The following CUL5 variants were observed in gnomAD, a reference collection of about 807,000 sequenced individuals.
CUL5 encodes the protein cullin 5, also known as cullin-5.
A neutral mutation model predicts 108.8 loss-of-function variants in CUL5; 26 were observed. The observed-to-expected ratio is 0.24, with a 90% CI of 0.18 to 0.33. The LOEUF (loss-of-function observed/expected upper bound fraction) is 0.33, where lower values mean the gene tolerates loss of function less well. Among genes scored for constraint, CUL5 ranks in the 10% least tolerant of loss-of-function variants. The probability of loss-of-function intolerance (pLI) is 1.00; values close to 1 mark genes in which losing one functional copy is unlikely to be tolerated. For missense variants in CUL5, 524 were observed against 909.2 expected (o/e 0.58, Z 5.45); for synonymous variants, 334 against 298.0 (o/e 1.12, Z -1.25).
chr11:108,018,296 G>A (rs1374400936), intron 1 of CUL5, among the ~76,000 whole-genome samples: 4 of 152,116 alleles, frequency 2.6e-5, no homozygotes, highest in African/African-American at 9.7e-5. Context: ...AAGAATTACT[G>A]GTATTCAAAT....
rs534407204 is a variant in CUL5 at position 108,039,043 on chromosome 11, A to G, written c.134+5132A>G. Among the ~76,000 whole-genome samples the G allele has an allele frequency of 2.0e-5, 3 of 150,496 alleles. No homozygotes were observed. In the East Asian group the frequency reaches 5.9e-4, roughly 30 times the overall value. ...TTTTTTTTTCTTTTTAAATTGAGATAGAGTTTCATTCTTGTTGCCCAGGCT... is the reference window on the plus strand; with the variant it reads ...TTTTTTTTTCTTTTTAAATTGAGATGGAGTTTCATTCTTGTTGCCCAGGCT... On this transcript the variant is annotated intron_variant, in intron 2 of 18. Transcript: ENST00000393094.
chr11:108,023,100 G>A (rs986441117), intron 1 of CUL5, among the ~76,000 whole-genome samples: 5 of 152,084 alleles, frequency 3.3e-5, no homozygotes, highest in African/African-American at 9.7e-5. Flanking sequence ...AAAAATAGCC[G>A]GGCATGGTGG....
At chr11:108,094,358 A>G in intron 13 of CUL5, 33 bp from the exon 14 acceptor site, 1 of 1,506,942 alleles carries the variant, frequency 6.6e-7, no homozygotes, top group Middle Eastern at 2.1e-4. Context: ...TTATGTATTT[A>G]TTACCTCTTC....
At chr11:108,037,322 A>G (rs1264333946) in intron 2 of CUL5, among the ~76,000 whole-genome samples, 1 of 152,108 alleles carries the variant, frequency 6.6e-6, no homozygotes, top group African/African-American at 2.4e-5. Context: ...TTTTATAGCC[A>G]CCCAAGCAGC....
At chr11:108,065,984 T>G (rs1863667059) in intron 7 of CUL5, among the ~76,000 whole-genome samples, 1 of 152,220 alleles carries the variant, frequency 6.6e-6, no homozygotes, top group African/African-American at 2.4e-5. Context: ...GTATTTATTC[T>G]TTTGTGAATT....
rs929087530 is a variant in CUL5, at chr11:108,070,026, T to C, written c.781-70T>C. On this transcript the variant is annotated intron_variant, in intron 7 of 18. Coordinates refer to ENST00000393094, the MANE Select transcript of CUL5 (RefSeq NM_003478.6). ...TTTTTTGTTGAACAATATTGTTTTA[T>C]TTTGTGAGTTAGAATAGATTTGTGC... 15 of 951,870 alleles carry C rather than the reference T, an allele frequency of 1.6e-5. No individual in the cohort carries two copies. The African/African-American group carries it at 2.1e-4, about 13-fold the overall frequency. The allele number at this position is 951,870 out of a possible 1,614,324, so 59.0% of individuals were successfully genotyped here. A position where few individuals can be genotyped will look rare whatever the true frequency, so the allele number is the denominator to read the frequency against.
rs143283390 is a variant in CUL5, at chr11:108,089,752, CAGTT to C, written c.1443+132_1443+135del. 7.0e-3 allele frequency: 3,834 copies of C among 544,870 alleles called. 122 individuals carry two copies. The highest frequency in any genetic ancestry group is 0.068 in the African/African-American group (3,384 of 50,074). The allele number at this position is 544,870 out of a possible 1,614,324, so 33.8% of individuals were successfully genotyped here. ...GAAACATTTTATAAGAATATAGCGT[CAGTT>C]AGGCCGGGCGCACTGGCTCATACCT... On this transcript the variant is annotated intron_variant, in intron 13 of 18. Transcript: ENST00000393094.
intron 1 of CUL5, among the ~76,000 whole-genome samples, chr11:108,025,902 C>G (rs920919873): frequency 2.6e-5 from 4 of 152,120 alleles, no homozygotes; most frequent in African/African-American, 9.7e-5. Context: ...GAGACACTCT[C>G]TAGGCAGTAT....
chr11:108,011,747 C>G (rs2135027294), intron 1 of CUL5, among the ~76,000 whole-genome samples: 1 of 152,136 alleles, frequency 6.6e-6, no homozygotes, highest in African/African-American at 2.4e-5. Context: ...TCTGCCTCAG[C>G]GTCCCGAGTA....
chr11:108,051,537 T>C (rs550787524), intron 4 of CUL5, among the ~76,000 whole-genome samples: 36 of 152,334 alleles, frequency 2.4e-4, no homozygotes, highest in African/African-American at 8.2e-4. Flanking sequence ...GAATGAGTGT[T>C]ATAAAACTGT....
chr11:108,087,501 C>T (rs1864246360), intron 11 of CUL5, among the ~76,000 whole-genome samples: 1 of 152,090 alleles, frequency 6.6e-6, no homozygotes, highest in Admixed American at 6.6e-5. Context: ...CATGAAAATA[C>T]AATATACTGC....
chr11:108,072,286 A>G lies in CUL5; in HGVS notation c.875-46A>G, dbSNP rs146753263. 1,835 of 1,459,302 alleles carry G rather than the reference A, an allele frequency of 1.3e-3. 1 individual carries two copies. Among genetic ancestry groups the G allele is most frequent in the Middle Eastern group, 4.6e-3 (26 of 5,594 alleles). 90.4% of individuals were successfully genotyped at this position (1,459,302 alleles called of 1,614,324 possible). On this transcript the variant is annotated intron_variant, in intron 8 of 18. Coordinates refer to ENST00000393094, the MANE Select transcript of CUL5 (RefSeq NM_003478.6). ...TTAACTAATGTTTCTCTAAACTCTT[A>G]CTCTAGTAAATGAAATGATTACATG...
chr11:108,015,917 T>C (rs1326823586), intron 1 of CUL5, among the ~76,000 whole-genome samples: 1 of 151,330 alleles, frequency 6.6e-6, no homozygotes, highest in South Asian at 2.1e-4. Flanking sequence ...AAAAGAGAGG[T>C]TTTGTTTTTG....
At chr11:108,038,928 T>C (rs1010806610) in intron 2 of CUL5, among the ~76,000 whole-genome samples, 1 of 152,258 alleles carries the variant, frequency 6.6e-6, no homozygotes, top group African/African-American at 2.4e-5. Context: ...CTATATTCTT[T>C]CTCTATTGAA....
chr11:108,078,122 T>C, intron 10 of CUL5, 54 bp from the exon 11 acceptor site: 1 of 1,043,682 alleles, frequency 9.6e-7, no homozygotes, highest in Non-Finnish European at 1.4e-6. Flanking sequence ...GTATAAAAAT[T>C]TATCTGTATA....
intron 1 of CUL5, among the ~76,000 whole-genome samples, chr11:108,019,842 G>A (rs1862286116): frequency 6.6e-6 from 1 of 152,232 alleles, no homozygotes; most frequent in Admixed American, 6.5e-5. Flanking sequence ...GGTTTATTTG[G>A]CCCACAGTTC....
At position 108,095,631 on chromosome 11, in the gene CUL5, C is replaced by T; in HGVS notation, c.1845C>T (p.Ser615=). ...ACCAAAGACCCAGAGAGAAAATCAG[C>T]TTTGAAAATCTTAAGCTTGCAACTG... ...AWNQRPREKI[S]FENLKLATEL... The change falls in exon 16 of 19, where the codon AGC becomes AGT. Residue 615 remains serine, a synonymous_variant. Transcript: ENST00000393094. 6.2e-7 allele frequency: 1 copy of T among 1,614,040 alleles called. No homozygotes were observed. Among genetic ancestry groups the T allele is most frequent in the Non-Finnish European group, 8.5e-7 (1 of 1,179,980 alleles).
At chr11:108,103,599 T>G (rs984837106) in intron 18 of CUL5, among the ~76,000 whole-genome samples, 3 of 152,144 alleles carry the variant, frequency 2.0e-5, no homozygotes, top group African/African-American at 7.2e-5. Flanking sequence ...AAATTTGGTG[T>G]AAGGGGTTTG....
intron 13 of CUL5, among the ~76,000 whole-genome samples, chr11:108,092,061 C>T (rs1864375841): frequency 1.3e-5 from 2 of 152,036 alleles, no homozygotes; most frequent in African/African-American, 4.8e-5. Flanking sequence ...TGCTTGAGCC[C>T]AGAAGTTCAA....
Sources: gnomAD v4.1 joint callset for allele counts (sites outside exome capture counted in the v4.1 genomes callset) on GRCh38, gnomAD v4.1.1 for gene constraint, MANE v1.5 for transcripts, NCBI Gene and HGNC (gene_info 2026-07-23, HGNC 2026-07-21) for gene names.